F5: variants seen among roughly 807,000 people sequenced by gnomAD.
F5 encodes the protein coagulation factor V.
A neutral mutation model predicts 216.4 loss-of-function variants in F5; 138 were observed. That is an observed-to-expected ratio of 0.64 (90% CI 0.56 to 0.73). The LOEUF (loss-of-function observed/expected upper bound fraction) is 0.73. Ranked by LOEUF, F5 falls within the 30% of genes least tolerant of loss-of-function variation. The pLI, the probability that F5 is intolerant of heterozygous loss-of-function variation, is 0.00. For missense variants in F5, 2,403 were observed against 2,674.0 expected (o/e 0.90, Z 2.24); for synonymous variants, 916 against 930.7 (o/e 0.98, Z 0.29).
rs760932372 is a variant in F5, at chr1:169,523,369, C to T, written c.5893-17G>A. The T allele has an allele frequency of 2.5e-6, 4 of 1,613,780 alleles. No homozygotes were observed. In the Admixed American group the frequency reaches 5.0e-5, roughly 20 times the overall value. ...CATGTCCACCTGCAATATAGGAAAGCCAGTAAACAGAACTGTCCTTGTCAA... is the reference window on the plus strand; with the variant it reads ...CATGTCCACCTGCAATATAGGAAAGTCAGTAAACAGAACTGTCCTTGTCAA... On this transcript the variant is annotated splice_polypyrimidine_tract_variant and intron_variant, in intron 20 of 24. Coordinates refer to ENST00000367797, the MANE Select transcript of F5 (RefSeq NM_000130.5).
intron 23 of F5, among the ~76,000 whole-genome samples, chr1:169,517,243 T>C (rs144426844): frequency 1.7e-4 from 26 of 152,296 alleles, no homozygotes; most frequent in East Asian, 5.8e-4. Flanking sequence ...GCTAAAATTA[T>C]TTAATCTCCT....
chr1:169,558,298 T>C (rs373922859), intron 5 of F5, among the ~76,000 whole-genome samples: 25 of 152,270 alleles, frequency 1.6e-4, no homozygotes, highest in East Asian at 3.9e-4. Context: ...GGGATCAACA[T>C]TGAGAGTCAT....
chr1:169,567,383 T>TAAAAA (rs35536147), intron 3 of F5, among the ~76,000 whole-genome samples: 10 of 150,632 alleles, frequency 6.6e-5, no homozygotes, highest in African/African-American at 4.9e-5. Context: ...TAAAGTATAA[T>TAAAAA]AAAAAAAAAT....
At position 169,559,247 on chromosome 1, in the gene F5, C is replaced by T. The variant is rs754068285; in HGVS notation, c.636G>A (p.Val212=). 4.3e-6 allele frequency: 7 copies of T among 1,613,572 alleles called. No individual in the cohort carries two copies. Among genetic ancestry groups the T allele is most frequent in the Middle Eastern group, 1.6e-4 (1 of 6,084 alleles). Residue 212 remains valine (V), a synonymous_variant, in exon 5 of 25, where the codon GTG becomes GTA. Transcript: ENST00000367797. ...TTTCATCAAACACAGCAAATAGTAG[C>T]ACGATTTGCTTGTCAAACGTCTTCT... is the stretch of plus-strand genomic sequence containing the variant. ...GTQKTFDKQI[V]LLFAVFDESK...
At chr1:169,514,646 A>G (rs1376314931) in intron 24 of F5, among the ~76,000 whole-genome samples, 187 bp from the exon 25 acceptor site, 3 of 152,050 alleles carry the variant, frequency 2.0e-5, no homozygotes, top group Non-Finnish European at 4.4e-5. Flanking sequence ...AAGTGCTGGC[A>G]TTGCAGACAT....
chr1:169,526,116 G>T, intron 17 of F5, 99 bp from the exon 18 acceptor site: 1 of 817,178 alleles, frequency 1.2e-6, no homozygotes, highest in Non-Finnish European at 2.1e-6. Context: ...TTCACAAGAG[G>T]CTTTCAAATA....
rs773213513 is a variant in F5 at position 169,541,948 on chromosome 1, A to G, written c.3142T>C (p.Phe1048Leu). 6.2e-7 allele frequency: 1 copy of G among 1,614,074 alleles called. No homozygotes were observed. The highest frequency in any genetic ancestry group is 8.5e-7 in the Non-Finnish European group (1 of 1,179,998). ...TAGGCTTCACTTCTTAGAGGGTGAA[A>G]GGTCCTCGGAGATAAAGGAGCATGG... ...THHAPLSPRT[F>L]HPLRSEAYNT... Residue 1048 changes from phenylalanine to leucine, a missense_variant, in exon 13 of 25, where the codon TTT becomes CTT. Physicochemically the swap from Phe to Leu is conservative, Grantham distance 22. Around this residue, in one of 4 missense-constraint regions of F5, gnomAD observed 1,425 missense variants for 1,554.8 expected, o/e 0.92. Coordinates refer to ENST00000367797, the MANE Select transcript of F5 (RefSeq NM_000130.5).
intron 2 of F5, among the ~76,000 whole-genome samples, chr1:169,579,567 T>C (rs1469448492): frequency 2.0e-5 from 3 of 152,190 alleles, no homozygotes; most frequent in Non-Finnish European, 4.4e-5. Context: ...AATCTATACT[T>C]ATCACCTTCT....
intron 22 of F5, among the ~76,000 whole-genome samples, chr1:169,519,686 C>T (rs3766102): frequency 0.076 from 11,495 of 152,228 alleles, 469 homozygotes; most frequent in Middle Eastern, 0.11. Context: ...GACAGGTGTG[C>T]CACGGCAGGT....
In F5 at chr1:169,551,068, G is replaced by T. The variant is rs369399708; in HGVS notation, c.1297-329C>A. The stretch of plus-strand genomic sequence containing the variant: ...CCCTGCCCTTCTCTTTTCAGCTTGG[G>T]CCACATCTCATTTTGAATCTGCTTC... On this transcript the variant is annotated intron_variant, in intron 8 of 24. Coordinates refer to ENST00000367797, the MANE Select transcript of F5 (RefSeq NM_000130.5). Among the ~76,000 whole-genome samples the T allele has an allele frequency of 7.6e-4, 116 of 152,090 alleles. 1 individual carries two copies. The South Asian group carries it at 0.024, about 31-fold the overall frequency.
At chr1:169,561,707 AT>A (rs1458164488) in intron 3 of F5, among the ~76,000 whole-genome samples, 4 of 152,114 alleles carry the variant, frequency 2.6e-5, no homozygotes, top group African/African-American at 7.2e-5. Context: ...GGATGCAGTT[AT>A]TTTTGTTTGG....
intron 13 of F5, among the ~76,000 whole-genome samples, chr1:169,538,963 T>C (rs1571571278): frequency 1.3e-5 from 2 of 152,224 alleles, no homozygotes; most frequent in East Asian, 3.8e-4. Context: ...ATACTCAGGA[T>C]ACCCAAAGGA....
intron 1 of F5, among the ~76,000 whole-genome samples, chr1:169,583,683 A>G (rs567080074): frequency 6.6e-6 from 1 of 152,372 alleles, no homozygotes; most frequent in African/African-American, 2.4e-5. Flanking sequence ...TGTAAATGTA[A>G]TAAGAGTTAG....
chr1:169,559,906 T>G (rs1263062513), intron 4 of F5, among the ~76,000 whole-genome samples: 2 of 151,456 alleles, frequency 1.3e-5, no homozygotes, highest in Non-Finnish European at 2.9e-5. Context: ...TGAGCGTGTA[T>G]GTATAGGCAG....
chr1:169,553,436 C>T (rs188550672), intron 7 of F5, among the ~76,000 whole-genome samples: 13 of 152,336 alleles, frequency 8.5e-5, no homozygotes, highest in Admixed American at 1.3e-4. Context: ...AGGCCGGGCG[C>T]GGTGGCTCAC....
intron 4 of F5, among the ~76,000 whole-genome samples, chr1:169,559,840 G>GA (rs1034282170): frequency 5.3e-5 from 8 of 151,890 alleles, no homozygotes; most frequent in Non-Finnish European, 1.2e-4. Flanking sequence ...CCAGGAAATG[G>GA]AAAAAAAGTC....
intron 11 of F5, among the ~76,000 whole-genome samples, chr1:169,545,064 T>C (rs904119900): frequency 3.9e-5 from 6 of 152,238 alleles, no homozygotes; most frequent in African/African-American, 1.4e-4. Flanking sequence ...GTACTAAGCA[T>C]AGTAAAAAAC....
At chr1:169,535,243 A>T (rs1217424366) in intron 14 of F5, among the ~76,000 whole-genome samples, 1 of 152,212 alleles carries the variant, frequency 6.6e-6, no homozygotes, top group Non-Finnish European at 1.5e-5. Context: ...ATCCAGGGCT[A>T]AAACAAAGAT....
chr1:169,541,170 A>C lies in F5; in HGVS notation c.3920T>G (p.Leu1307Arg), dbSNP rs1440239206. 1.9e-6 allele frequency: 3 copies of C among 1,574,112 alleles called. No individual in the cohort carries two copies. In the Admixed American group the frequency reaches 5.2e-5, roughly 27 times the overall value. The part of the protein sequence containing the change: ...ELSHMTLSPE[L>R]SQTNLSPALG... ...GGCTGGGGAAAGGTTTGTCTGACTG[A>C]GTTCTGGAGAGAGAGTCATATGGCT... The change falls in exon 13 of 25, where the codon CTC becomes CGC. Residue 1307 changes from leucine (L) to arginine (R), a missense_variant. Leu to Arg is a moderately radical substitution (Grantham distance 102). Coordinates refer to ENST00000367797, the MANE Select transcript of F5 (RefSeq NM_000130.5).
Sources: allele counts gnomAD v4.1 joint callset (sites outside exome capture counted in the v4.1 genomes callset), GRCh38; gene constraint gnomAD v4.1.1; regional missense constraint gnomAD v4.1.1; transcripts MANE v1.5; gene names NCBI Gene and HGNC (gene_info 2026-07-23, HGNC 2026-07-21).